The following SVOP variants were observed in gnomAD, a reference collection of about 807,000 sequenced individuals.
The protein encoded by SVOP is synaptic vesicle 2-related protein.
In SVOP, 17 loss-of-function variants were observed where a neutral mutation model predicts 69.1. That is an observed-to-expected ratio of 0.25 (90% CI 0.17 to 0.37). The LOEUF is 0.37. SVOP is among the 10% of genes least tolerant of loss of function. The pLI, the probability that SVOP is intolerant of heterozygous loss-of-function variation, is 1.00. For synonymous variants in SVOP, 238 were observed against 238.6 expected (o/e 1.00, Z 0.02); for missense variants, 435 against 597.5 (o/e 0.73, Z 2.84).
intron 5 of SVOP, among the ~76,000 whole-genome samples, chr12:108,963,049 T>G (rs1375589020): frequency 6.6e-6 from 1 of 152,028 alleles, no homozygotes; most frequent in East Asian, 1.9e-4. Context: ...GAAAAAAAAT[T>G]AAGAGTAAAC....
At chr12:108,919,602 G>A in intron 13 of SVOP, 73 bp downstream of exon 13, 1 of 1,215,098 alleles carries the variant, frequency 8.2e-7, no homozygotes, top group Non-Finnish European at 1.2e-6. Flanking sequence ...ACATCTACCT[G>A]GGCCTGCACC....
intron 1 of SVOP, among the ~76,000 whole-genome samples, chr12:109,020,217 C>T (rs1239885394): frequency 5.9e-5 from 9 of 151,668 alleles, no homozygotes; most frequent in Non-Finnish European, 8.8e-5. Context: ...CCTGATGTTC[C>T]GACAGTGAGT....
At chr12:108,944,039 T>C (rs369624457) in intron 7 of SVOP, among the ~76,000 whole-genome samples, 1 of 151,976 alleles carries the variant, frequency 6.6e-6, no homozygotes, top group Non-Finnish European at 1.5e-5. Flanking sequence ...CCACCACACC[T>C]GACTAACTTT....
rs199646498 is a variant in SVOP at position 108,916,112 on chromosome 12, T to TG, written c.1351-241dup. Among the ~76,000 whole-genome samples, 1,329 of 151,894 alleles carry TG rather than the reference T, an allele frequency of 8.7e-3. 22 individuals are homozygous for TG. The highest frequency in any genetic ancestry group is 0.03 in the African/African-American group (1,251 of 41,450). The stretch of plus-strand genomic sequence containing the variant: ...CCCAGTAAAGGGGTCCACTCTGTCC[T>TG]GGGGGGGGCTCCCCAAAGACTCCTC... On this transcript the variant is annotated intron_variant, in intron 14 of 15. Coordinates refer to ENST00000610966, the MANE Select transcript of SVOP (RefSeq NM_018711.5).
chr12:108,940,892 C>A lies in SVOP; in HGVS notation c.660G>T (p.Gly220=). The change falls in exon 8 of 16, where the codon GGG becomes GGT. Residue 220 remains glycine, a synonymous_variant. Transcript: ENST00000610966. ...ILLIEVFWAI[G]TVFEVVLAVF... is the part of the protein sequence containing the mutation. ...CAGCCAGGACGACCTCGAACACTGT[C>A]CCGATGGCCCAGAATACCTGGCACA... 1 of 1,536,958 alleles carries A rather than the reference C, an allele frequency of 6.5e-7. No individual in the cohort carries two copies. The highest frequency in any genetic ancestry group is 1.2e-5 in the South Asian group (1 of 84,034).
chr12:108,983,827 T>A, intron 1 of SVOP, 66 bp from the exon 2 acceptor site: 1 of 398,704 alleles, frequency 2.5e-6, no homozygotes, highest in Non-Finnish European at 4.4e-6. Context: ...GCTGCACAGC[T>A]CTAGTGACCA....
rs1347986877 is a variant in SVOP at position 108,938,884 on chromosome 12, C to G, written c.840G>C (p.Arg280Ser). 2.5e-6 allele frequency: 4 copies of G among 1,613,892 alleles called. No homozygotes were observed. The highest frequency in any genetic ancestry group is 2.7e-5 in the African/African-American group (2 of 74,930). The change falls in exon 9 of 16, where the codon AGG becomes AGC. Residue 280 changes from arginine (R) to serine (S), a missense_variant. Transcript: ENST00000610966. ...TGGGAGCTCCGTTTTCAGTTGCTAT[C>G]CTCTTTAAGGTGGCGATTGCCTTTT... ...NQEKAIATLKRIATENGAPMP... is the reference protein window; with the variant it reads ...NQEKAIATLKSIATENGAPMP...
chr12:108,952,258 A>G (rs1458886094), intron 6 of SVOP, among the ~76,000 whole-genome samples: 1 of 106,148 alleles, frequency 9.4e-6, no homozygotes, highest in Non-Finnish European at 1.8e-5. Context: ...TTTTTGAGTC[A>G]GAGTCTCACT....
intron 11 of SVOP, 46 bp downstream of exon 11, chr12:108,934,149 G>A (rs747601683): frequency 1.4e-5 from 21 of 1,521,042 alleles, no homozygotes; most frequent in South Asian, 1.2e-4. Flanking sequence ...TGTATGTGCC[G>A]AGGGTGTGGG....
At chr12:108,986,200 C>T (rs2040165030) in intron 1 of SVOP, among the ~76,000 whole-genome samples, 2 of 152,156 alleles carry the variant, frequency 1.3e-5, no homozygotes, top group South Asian at 4.1e-4. Context: ...TGCATAGCAC[C>T]ACTCTGAAGT....
intron 6 of SVOP, among the ~76,000 whole-genome samples, chr12:108,959,479 A>G (rs1475901166): frequency 6.6e-6 from 1 of 150,592 alleles, no homozygotes; most frequent in Non-Finnish European, 1.5e-5. Context: ...TTAGCCTCCC[A>G]AGTATCTGGG....
intron 5 of SVOP, among the ~76,000 whole-genome samples, chr12:108,962,167 C>T (rs538326255): frequency 1.2e-4 from 19 of 152,282 alleles, no homozygotes; most frequent in South Asian, 1.0e-3. Context: ...GGTGCAATCT[C>T]GGCTCACTGC....
intron 1 of SVOP, among the ~76,000 whole-genome samples, chr12:109,012,057 C>T (rs995931784): frequency 6.6e-6 from 1 of 151,992 alleles, no homozygotes; most frequent in Non-Finnish European, 1.5e-5. Context: ...CTGAAGCAGG[C>T]AGATCACCTG....
chr12:108,942,463 T>C, intron 7 of SVOP, among the ~76,000 whole-genome samples: 1 of 152,260 alleles, frequency 6.6e-6, no homozygotes, highest in East Asian at 1.9e-4. Flanking sequence ...TCCACTTTTG[T>C]ATGGGTTCCA....
intron 7 of SVOP, 28 bp from the exon 8 acceptor site, chr12:108,940,937 T>C (rs540444218): frequency 7.1e-4 from 1,088 of 1,534,460 alleles, no homozygotes; most frequent in Admixed American, 1.6e-3. Context: ...GGGTCAGTGG[T>C]GGGGGTAGCA....
intron 11 of SVOP, among the ~76,000 whole-genome samples, chr12:108,926,214 C>T (rs149809930): frequency 2.9e-4 from 44 of 152,272 alleles, no homozygotes; most frequent in South Asian, 6.2e-4. Context: ...GCCACCACAC[C>T]TGGGCTTGTT....
In SVOP at chr12:108,953,136, C is replaced by CTTTTTTTT. The variant is rs36158603; in HGVS notation, c.578+7779_578+7786dup. On this transcript the variant is annotated intron_variant, in intron 6 of 15. Coordinates refer to ENST00000610966, the MANE Select transcript of SVOP (RefSeq NM_018711.5). ...ATGGGCTCCTTAATGATCTAATTGA[C>CTTTTTTTT]TTTTTTTTTTTTTTTTCTTTTTTTT... Among the ~76,000 whole-genome samples, 13 of 95,784 alleles carry CTTTTTTTT rather than the reference C, an allele frequency of 1.4e-4. 3 individuals are homozygous for CTTTTTTTT. Among genetic ancestry groups the CTTTTTTTT allele is most frequent in the Admixed American group, 4.7e-4 (3 of 6,350 alleles). The allele number at this position is 95,784 out of a possible 152,430, so 62.8% of individuals were successfully genotyped here. A position where few individuals can be genotyped will look rare whatever the true frequency, so the allele number is the denominator to read the frequency against.
At chr12:108,954,339 G>A (rs966012268) in intron 6 of SVOP, among the ~76,000 whole-genome samples, 1 of 152,108 alleles carries the variant, frequency 6.6e-6, no homozygotes, top group Non-Finnish European at 1.5e-5. Flanking sequence ...TAAAGCACAA[G>A]GCTCAGTGTC....
rs534890694 is a variant in SVOP at position 108,917,927 on chromosome 12, T to C, written c.1350+116A>G. The C allele has an allele frequency of 7.5e-6, 6 of 799,960 alleles. No individual in the cohort carries two copies. The South Asian group carries it at 1.0e-4, about 13-fold the overall frequency. 49.6% of individuals were successfully genotyped at this position (799,960 alleles called of 1,614,324 possible). A position where few individuals can be genotyped will look rare whatever the true frequency, so the allele number is the denominator to read the frequency against. ...TCCCAAAGTGTTGGGATTATAGGCA[T>C]GAGCTACCGCGCCCACCACCTCATT... On this transcript the variant is annotated intron_variant, in intron 14 of 15. Transcript: ENST00000610966.
Sources: gnomAD v4.1 joint callset for allele counts (sites outside exome capture counted in the v4.1 genomes callset) on GRCh38, gnomAD v4.1.1 for gene constraint, MANE v1.5 for transcripts, NCBI Gene and HGNC (gene_info 2026-07-23, HGNC 2026-07-21) for gene names.